Variants in IQCK observed in about 807,000 individuals in gnomAD.
IQCK encodes IQ domain-containing protein K.
IQCK carries 29 observed loss-of-function variants against 28.1 expected under a neutral mutation model. The observed-to-expected ratio is 1.03, with a 90% CI of 0.77 to 1.41. The LOEUF (loss-of-function observed/expected upper bound fraction) is 1.41, where lower values mean the gene tolerates loss of function less well. IQCK is among the 40% of genes most tolerant of loss of function. The probability of loss-of-function intolerance (pLI) is 0.00; values close to 1 mark genes in which losing one functional copy is unlikely to be tolerated. For missense variants in IQCK, 359 were observed against 314.7 expected (o/e 1.14, Z -1.07); for synonymous variants, 113 against 115.1 (o/e 0.98, Z 0.12).
chr16:19,725,005 C>T (rs546150039), intron 1 of IQCK, among the ~76,000 whole-genome samples: 74 of 152,220 alleles, frequency 4.9e-4, no homozygotes, highest in African/African-American at 1.5e-3. Context: ...AACAAGTTTC[C>T]GGGCTCCTTC....
Position 19,839,310 on chromosome 16 carries a change from G to A in IQCK, c.802+12173G>A, listed in dbSNP as rs185840000. On this transcript the variant is annotated intron_variant, in intron 9 of 9. Coordinates refer to the IQCK transcript ENST00000320394. Reference sequence around the variant, plus strand: ...CGAGTAGCTGGGATTACAGGCGCACGCCATCACACCCTGCTAATTTTTGTA... The same window carrying A: ...CGAGTAGCTGGGATTACAGGCGCACACCATCACACCCTGCTAATTTTTGTA... Among the ~76,000 whole-genome samples, 19 of 151,724 alleles carry A rather than the reference G, an allele frequency of 1.3e-4. 1 individual carries two copies. The East Asian group carries it at 3.4e-3, about 27-fold the overall frequency.
chr16:19,723,989 G>T (rs116720417), intron 1 of IQCK, among the ~76,000 whole-genome samples: 1 of 151,186 alleles, frequency 6.6e-6, no homozygotes, highest in African/African-American at 2.4e-5. Context: ...AGCTTCCTTG[G>T]CTCCCCTTCC....
intron 1 of IQCK, among the ~76,000 whole-genome samples, chr16:19,723,768 A>C (rs1977568814): frequency 6.6e-6 from 1 of 152,162 alleles, no homozygotes; most frequent in South Asian, 2.1e-4. Context: ...AGCCTGGCCA[A>C]CATGGTGAAA....
intron 1 of IQCK, 88 bp downstream of exon 1, chr16:19,718,575 G>C: frequency 8.0e-7 from 1 of 1,250,004 alleles, no homozygotes; most frequent in Non-Finnish European, 1.0e-6. Flanking sequence ...GCGCCTGTCG[G>C]CTGACGGGCG....
intron 4 of IQCK, among the ~76,000 whole-genome samples, chr16:19,756,992 A>G (rs2055062476): frequency 6.6e-6 from 1 of 152,074 alleles, no homozygotes; most frequent in South Asian, 2.1e-4. Flanking sequence ...CAAATCTGCC[A>G]GCACTTTTAT....
rs1210053792 is a variant in IQCK, at chr16:19,735,673, CGCCTTGCTTGGCCTCCT to C, written c.474+228_474+244del. 5.7e-6 allele frequency: 3 copies of C among 523,394 alleles called. No individual in the cohort carries two copies. In the Admixed American group the frequency reaches 9.7e-5, roughly 17 times the overall value. The allele number at this position is 523,394 out of a possible 1,614,324, so 32.4% of individuals were successfully genotyped here. On this transcript the variant is annotated intron_variant, in intron 4 of 7. Coordinates refer to ENST00000564186, the Ensembl canonical transcript of IQCK. Reference sequence around the variant, plus strand: ...CCACTTGGACTCCGGAGAGCTTTTCCGCCTTGCTTGGCCTCCTGCCTGCCCTTCTCCTGTGCAGTTTG... The same window carrying C: ...CCACTTGGACTCCGGAGAGCTTTTCCGCCTGCCCTTCTCCTGTGCAGTTTG...
intron 6 of IQCK, among the ~76,000 whole-genome samples, chr16:19,777,469 C>A (rs971978702): frequency 6.6e-6 from 1 of 152,102 alleles, no homozygotes; most frequent in Non-Finnish European, 1.5e-5. Context: ...AAAAAAAATC[C>A]TTTTAATTTA....
At chr16:19,753,630 A>T (rs76608406) in intron 4 of IQCK, among the ~76,000 whole-genome samples, 3,506 of 152,150 alleles carry the variant, frequency 0.023, 93 homozygotes, top group Admixed American at 0.064. Flanking sequence ...AGGGTGCATT[A>T]TGTTGCAACT....
intron 4 of IQCK, among the ~76,000 whole-genome samples, chr16:19,752,942 A>G (rs2055006178): frequency 6.6e-6 from 1 of 152,152 alleles, no homozygotes; most frequent in South Asian, 2.1e-4. Context: ...TGATGTCTCC[A>G]TGACTGTTCT....
chr16:19,782,242 C>G (rs538224552), intron 6 of IQCK, among the ~76,000 whole-genome samples: 1 of 147,376 alleles, frequency 6.8e-6, no homozygotes, highest in Non-Finnish European at 1.5e-5. Flanking sequence ...AGTGGAAGGC[C>G]GGGCATGGTG....
intron 3 of IQCK, 94 bp from the exon 4 acceptor site, chr16:19,735,259 C>T: frequency 1.2e-6 from 1 of 821,666 alleles, no homozygotes. Flanking sequence ...ATTGAATGGA[C>T]AGTACCTTTT....
chr16:19,732,575 C>A (rs772890546), intron 2 of IQCK, among the ~76,000 whole-genome samples: 1 of 152,226 alleles, frequency 6.6e-6, no homozygotes, highest in South Asian at 2.1e-4. Context: ...ATCTTCCCGC[C>A]TTTTCCTCCC....
At chr16:19,749,771 GAAAAAA>G (rs111778931) in intron 4 of IQCK, among the ~76,000 whole-genome samples, 10 of 138,312 alleles carry the variant, frequency 7.2e-5, no homozygotes, top group African/African-American at 1.0e-4. Flanking sequence ...TTTCAAAAAG[GAAAAAA>G]AAAAAAGAAA....
chr16:19,802,865 T>C (rs917447616), intron 7 of IQCK, among the ~76,000 whole-genome samples: 1 of 152,194 alleles, frequency 6.6e-6, no homozygotes, highest in Non-Finnish European at 1.5e-5. Flanking sequence ...AGTATTCCAC[T>C]GTAGAACCCA....
intron 2 of IQCK, among the ~76,000 whole-genome samples, 163 bp downstream of exon 2, chr16:19,730,657 C>T (rs1977804040): frequency 6.6e-6 from 1 of 152,232 alleles, no homozygotes; most frequent in African/African-American, 2.4e-5. Flanking sequence ...CTAATACTAA[C>T]AGTTTGACTT....
At chr16:19,773,092 G>A (rs780369443) in intron 6 of IQCK, among the ~76,000 whole-genome samples, 28 of 152,150 alleles carry the variant, frequency 1.8e-4, no homozygotes, top group Non-Finnish European at 3.8e-4. Flanking sequence ...TGCCCTGGGC[G>A]AGGTGGTATC....
At chr16:19,786,381 A>C (rs2055561986) in intron 6 of IQCK, among the ~76,000 whole-genome samples, 1 of 150,434 alleles carries the variant, frequency 6.6e-6, no homozygotes, top group African/African-American at 2.5e-5. Flanking sequence ...CTGTCTCTAC[A>C]GTTTTAAGAA....
At chr16:19,718,341 T>G (rs370300107) in exon 1 of IQCK, 5 of 1,610,164 alleles carry the variant, frequency 3.1e-6, no homozygotes, top group Non-Finnish European at 1.7e-6. Flanking sequence ...AGCCACATAG[T>G]GCGCCTCAAG....
chr16:19,823,545 T>C lies in IQCK; in HGVS notation c.691-3481T>C. Among the ~76,000 whole-genome samples, 2 of 152,164 alleles carry C rather than the reference T, an allele frequency of 1.3e-5. 1 individual carries two copies. The highest frequency in any genetic ancestry group is 2.9e-5 in the Non-Finnish European group (2 of 68,020). ...GACCACGGCCTAGAGAGGGAAGCAC[T>C]GACCGGGGCATGTGGCATGTGACTG... On this transcript the variant is annotated intron_variant, in intron 7 of 7. Coordinates refer to ENST00000564186, the Ensembl canonical transcript of IQCK.
Sources: gnomAD v4.1 joint callset for allele counts (sites outside exome capture counted in the v4.1 genomes callset) on GRCh38, gnomAD v4.1.1 for gene constraint, MANE v1.5 for transcripts, NCBI Gene and HGNC (gene_info 2026-07-23, HGNC 2026-07-21) for gene names.